The following GPR119 variants were observed in gnomAD, a reference collection of about 807,000 sequenced individuals.
GPR119 encodes the protein glucose-dependent insulinotropic receptor.
A neutral mutation model predicts 13.3 loss-of-function variants in GPR119; 7 were observed. That is an observed-to-expected ratio of 0.53 (90% confidence interval 0.30 to 0.99). GPR119 has a LOEUF of 0.99. GPR119 is among the 50% of genes least tolerant of loss of function. The pLI is 0.06. For synonymous variants in GPR119, 107 were observed against 112.5 expected (o/e 0.95, Z 0.31); for missense variants, 197 against 263.0 (o/e 0.75, Z 1.74).
In GPR119 at chrX:130,384,820, C is replaced by A. The variant is rs1382490536; in HGVS notation, c.628G>T (p.Gly210Ter). Residue 210 changes from glycine (G) to a stop codon, truncating the protein, a stop_gained, in exon 1 of 2, where the codon GGA becomes TGA. Transcript: ENST00000682440. LOFTEE classifies it high-confidence loss of function. ...RKMEHAGAMA[G>*]GYRSPRTPSD... Reference sequence around the variant, plus strand: ...GGAGTCCGTGGGGATCGATAACCTCCAGCCATGGCTCCTGCATGTTCCATC... The same window carrying A: ...GGAGTCCGTGGGGATCGATAACCTCAAGCCATGGCTCCTGCATGTTCCATC... 2 of 1,212,071 alleles carry A rather than the reference C, an allele frequency of 1.7e-6. No homozygotes were observed. Among genetic ancestry groups the A allele is most frequent in the South Asian group, 3.5e-5 (2 of 57,002 alleles).
chrX:130,381,510 T>G lies in GPR119; in HGVS notation c.*1046A>C, dbSNP rs1244610787. On this transcript the variant is annotated 3_prime_UTR_variant, in exon 2 of 2. Coordinates refer to ENST00000682440, the MANE Select transcript of GPR119 (RefSeq NM_178471.3). ...CAATTACCATACTAGTGCCAGTGCC[T>G]TGTTTGTATCCGCTCTGTCTTGATA... is the stretch of plus-strand genomic sequence containing the variant. Among the ~76,000 whole-genome samples the G allele has an allele frequency of 8.9e-6, 1 of 111,954 alleles. No individual in the cohort carries two copies. The highest frequency in any genetic ancestry group is 1.9e-5 in the Non-Finnish European group (1 of 53,211).
rs181686118 is a variant in GPR119 at position 130,381,869 on chromosome X, G to A, written c.*687C>T. ...TATTACCCCGGTTTGATGAATGCGA[G>A]ATCTAGTTTGAGAATTTAAATGACT... is the stretch of plus-strand genomic sequence containing the variant. On this transcript the variant is annotated 3_prime_UTR_variant, in exon 2 of 2. Coordinates refer to ENST00000682440, the MANE Select transcript of GPR119 (RefSeq NM_178471.3). 3.6e-5 allele frequency among the ~76,000 whole-genome samples: 4 copies of A among 111,221 alleles called. No homozygotes were observed. The East Asian group carries it at 1.1e-3, about 31-fold the overall frequency.
chrX:130,385,167 A>C lies in GPR119; in HGVS notation c.281T>G (p.Leu94Arg). 1.6e-6 allele frequency: 2 copies of C among 1,212,256 alleles called. No individual in the cohort carries two copies. The highest frequency in any genetic ancestry group is 2.2e-6 in the Non-Finnish European group (2 of 895,573). The change falls in exon 1 of 2, where the codon CTC (leucine) becomes CGC (arginine). Residue 94 changes from leucine (L) to arginine (R), a missense_variant. Leu to Arg is a moderately radical substitution (Grantham distance 102). Transcript: ENST00000682440. ...GTCAAAGGTGATCAGCATGACCGTG[A>C]GGACAGAGGCAGCTGCGGAGGAAGT... ...FVTSSAAASV[L>R]TVMLITFDRY...
chrX:130,383,728 G>A (rs974854004), intron 1 of GPR119, among the ~76,000 whole-genome samples: 3 of 112,659 alleles, frequency 2.7e-5, no homozygotes, highest in Non-Finnish European at 5.6e-5. Flanking sequence ...GTAAGGGCAG[G>A]AGGAGGAGGG....
rs2034357745 is a variant in GPR119 at position 130,381,281 on chromosome X, G to T, written c.*1275C>A. 9.0e-6 allele frequency among the ~76,000 whole-genome samples: 1 copy of T among 111,321 alleles called. No individual in the cohort carries two copies. On this transcript the variant is annotated 3_prime_UTR_variant, in exon 2 of 2. Coordinates refer to ENST00000682440, the MANE Select transcript of GPR119 (RefSeq NM_178471.3). ...TTTTCCTGCCTTAGCCTCTTGAGTA[G>T]CTGGGATTACAGGCGCCTGCCATCG...
chrX:130,384,223 G>A (rs985960587), intron 1 of GPR119, among the ~76,000 whole-genome samples: 1 of 112,094 alleles, frequency 8.9e-6, no homozygotes, highest in African/African-American at 3.2e-5. Flanking sequence ...TTCAAAAGAA[G>A]GACAGGGAGG....
rs1203739143 is a variant in GPR119 at position 130,380,576 on chromosome X, G to T, written c.*1980C>A. On this transcript the variant is annotated 3_prime_UTR_variant, in exon 2 of 2. Transcript: ENST00000682440. ...ATTTTAATTACAAATTCAGCCTGGT[G>T]CAGTGGCTTCCTCCTGTAATCACAG... is the stretch of plus-strand genomic sequence containing the variant. 1.8e-5 allele frequency among the ~76,000 whole-genome samples: 2 copies of T among 112,788 alleles called. No homozygotes were observed. Among genetic ancestry groups the T allele is most frequent in the African/African-American group, 6.4e-5 (2 of 31,042 alleles).
chrX:130,383,458 T>C (rs1399594879), intron 1 of GPR119, among the ~76,000 whole-genome samples: 1 of 112,052 alleles, frequency 8.9e-6, no homozygotes, highest in African/African-American at 3.2e-5. Context: ...TCCCTCCCAG[T>C]GCCTCAGAAT....
At position 130,385,360 on chromosome X, in the gene GPR119, G is replaced by GCAAAGC. The variant is rs1569458546; in HGVS notation, c.87_88insGCTTTG (p.Val29_Leu30insAlaLeu). On this transcript the variant is annotated inframe_insertion, in exon 1 of 2. Coordinates refer to ENST00000682440, the MANE Select transcript of GPR119 (RefSeq NM_178471.3). ...CCATCATTCTTGTGGATCAACAGCAGCACAGCCACAGCCACTAGTGTGTTA... is the reference window on the plus strand; with the variant it reads ...CCATCATTCTTGTGGATCAACAGCAGCAAAGCCACAGCCACAGCCACTAGTGTGTTA... 1 of 1,211,243 alleles carries GCAAAGC rather than the reference G, an allele frequency of 8.3e-7. No homozygotes were observed. Among genetic ancestry groups the GCAAAGC allele is most frequent in the Non-Finnish European group, 1.1e-6 (1 of 894,803 alleles).
At position 130,385,387 on chromosome X, in the gene GPR119, T is replaced by C. The variant is rs762638291; in HGVS notation, c.61A>G (p.Thr21Ala). 2 of 1,209,020 alleles carry C rather than the reference T, an allele frequency of 1.7e-6. No homozygotes were observed. The highest frequency in any genetic ancestry group is 3.0e-5 in the East Asian group (1 of 33,742). ...ACAGCCACAGCCACTAGTGTGTTAG[T>C]AGCAATGATGAGGGAGGCCAGGACA... ...LAVLASLIIA[T>A]NTLVAVAVLL... Residue 21 changes from threonine to alanine, a missense_variant, in exon 1 of 2, where the codon ACT (threonine) becomes GCT (alanine). Thr to Ala is a moderately conservative substitution (Grantham distance 58). Transcript: ENST00000682440.
chrX:130,380,236 G>T lies in GPR119; in HGVS notation c.*2320C>A, dbSNP rs1484608691. On this transcript the variant is annotated 3_prime_UTR_variant, in exon 2 of 2. Coordinates refer to ENST00000682440, the MANE Select transcript of GPR119 (RefSeq NM_178471.3). The stretch of plus-strand genomic sequence containing the variant: ...TGCTGTTTTCACTGGTCTCTATTCA[G>T]TTTGGCCAGTGACTGAGCATGGTGG... Among the ~76,000 whole-genome samples, 1 of 112,072 alleles carries T rather than the reference G, an allele frequency of 8.9e-6. No homozygotes were observed. The highest frequency in any genetic ancestry group is 1.9e-5 in the Non-Finnish European group (1 of 53,241).
In GPR119 at chrX:130,384,791, G is replaced by T. The variant is rs763262224; in HGVS notation, c.657C>A (p.Ser219Arg). Residue 219 changes from serine to arginine, a missense_variant, in exon 1 of 2, where the codon AGC (serine) becomes AGA (arginine). Physicochemically the swap from Ser to Arg is moderately radical, Grantham distance 110. Coordinates refer to ENST00000682440, the MANE Select transcript of GPR119 (RefSeq NM_178471.3). Reference sequence around the variant, plus strand: ...ACACAGTACGGAGAGCTTTGAAGTCGCTGGGAGTCCGTGGGGATCGATAAC... The same window carrying T: ...ACACAGTACGGAGAGCTTTGAAGTCTCTGGGAGTCCGTGGGGATCGATAAC... ...AGGYRSPRTPSDFKALRTVSV... is the reference protein window; with the variant it reads ...AGGYRSPRTPRDFKALRTVSV... 1 of 1,211,631 alleles carries T rather than the reference G, an allele frequency of 8.3e-7. No individual in the cohort carries two copies. Among genetic ancestry groups the T allele is most frequent in the East Asian group, 3.0e-5 (1 of 33,825 alleles).
intron 1 of GPR119, among the ~76,000 whole-genome samples, 37 bp from the exon 2 acceptor site, chrX:130,382,588 G>A (rs771219213): frequency 3.6e-5 from 4 of 111,977 alleles, no homozygotes; most frequent in African/African-American, 1.3e-4. Flanking sequence ...TGATGTGTAT[G>A]TAGTAGAATA....
Position 130,385,170 on chromosome X carries a change from A to G in GPR119, c.278T>C (p.Val93Ala), listed in dbSNP as rs1008487083. The change falls in exon 1 of 2, where the codon GTC (valine) becomes GCC (alanine). Residue 93 changes from valine to alanine, a missense_variant. Transcript: ENST00000682440. ...AAAGGTGATCAGCATGACCGTGAGGACAGAGGCAGCTGCGGAGGAAGTGAC... is the reference window on the plus strand; with the variant it reads ...AAAGGTGATCAGCATGACCGTGAGGGCAGAGGCAGCTGCGGAGGAAGTGAC... ...AFVTSSAAAS[V>A]LTVMLITFDR... The G allele has an allele frequency of 8.2e-7, 1 of 1,212,162 alleles. No homozygotes were observed.
intron 1 of GPR119, among the ~76,000 whole-genome samples, chrX:130,383,867 G>C (rs1322766093): frequency 8.9e-6 from 1 of 111,846 alleles, no homozygotes; most frequent in African/African-American, 3.3e-5. Context: ...CTGAGCATTT[G>C]AAATATGGCT....
rs1350240238 is a variant in GPR119 at position 130,381,688 on chromosome X, T to C, written c.*868A>G. On this transcript the variant is annotated 3_prime_UTR_variant, in exon 2 of 2. Transcript: ENST00000682440. The stretch of plus-strand genomic sequence containing the variant: ...GTCATAATATCTGAATATGAGGGAC[T>C]CCCTTAAATGGGTCAACTGACTGTT... Among the ~76,000 whole-genome samples the C allele has an allele frequency of 8.9e-6, 1 of 111,945 alleles. No homozygotes were observed. The highest frequency in any genetic ancestry group is 1.9e-5 in the Non-Finnish European group (1 of 53,219).
chrX:130,381,625 A>AATT lies in GPR119; in HGVS notation c.*928_*930dup, dbSNP rs1470321434. On this transcript the variant is annotated 3_prime_UTR_variant, in exon 2 of 2. Coordinates refer to ENST00000682440, the MANE Select transcript of GPR119 (RefSeq NM_178471.3). ...TAAAAATCTTATTCAGAGGTTGAGG[A>AATT]ATTTACAGTTCTGAGTCCAATTGTC... is the stretch of plus-strand genomic sequence containing the variant. 3.6e-5 allele frequency among the ~76,000 whole-genome samples: 4 copies of AATT among 111,739 alleles called. No individual in the cohort carries two copies. Among genetic ancestry groups the AATT allele is most frequent in the Non-Finnish European group, 7.5e-5 (4 of 53,208 alleles).
Position 130,385,565 on chromosome X carries a change from T to G in GPR119, c.-118A>C. The G allele has an allele frequency of 2.8e-6, 2 of 709,469 alleles. No individual in the cohort carries two copies. Among genetic ancestry groups the G allele is most frequent in the Non-Finnish European group, 4.3e-6 (2 of 468,284 alleles). The allele number at this position is 709,469 out of a possible 1,213,427, so 58.5% of individuals were successfully genotyped here. A position where few individuals can be genotyped will look rare whatever the true frequency, so the allele number is the denominator to read the frequency against. On this transcript the variant is annotated 5_prime_UTR_variant, in exon 1 of 2. Transcript: ENST00000682440. Reference sequence around the variant, plus strand: ...GCTACAGCACGATTCTGGCCTTCGCTGGCAGTCCAGGCTGGCAGGTCGCCA... The same window carrying G: ...GCTACAGCACGATTCTGGCCTTCGCGGGCAGTCCAGGCTGGCAGGTCGCCA...
rs1228707646 is a variant in GPR119 at position 130,385,524 on chromosome X, G to A, written c.-77C>T. ...AAATTCTCATGGGCCAGGGGCAGAG[G>A]AGCTGTGGGTTCAGAGCTACAGCAC... On this transcript the variant is annotated 5_prime_UTR_variant, in exon 1 of 2. Coordinates refer to ENST00000682440, the MANE Select transcript of GPR119 (RefSeq NM_178471.3). The A allele has an allele frequency of 6.8e-6, 7 of 1,025,144 alleles. No homozygotes were observed. Among genetic ancestry groups the A allele is most frequent in the Non-Finnish European group, 9.4e-6 (7 of 741,232 alleles). The allele number at this position is 1,025,144 out of a possible 1,213,427, so 84.5% of individuals were successfully genotyped here.
Sources: allele counts gnomAD v4.1 joint callset (sites outside exome capture counted in the v4.1 genomes callset), GRCh38; gene constraint gnomAD v4.1.1; transcripts MANE v1.5; gene names NCBI Gene and HGNC (gene_info 2026-07-23, HGNC 2026-07-21).